Variants in STAG1 observed in about 807,000 individuals in gnomAD.
STAG1 encodes STAG1 cohesin complex component, also known as cohesin subunit SA-1.
A neutral mutation model predicts 170.9 loss-of-function variants in STAG1; 26 were observed. The ratio of observed to expected loss-of-function variants is 0.15; its 90% confidence interval spans 0.11 to 0.21. The LOEUF (loss-of-function observed/expected upper bound fraction) is 0.21, where lower values mean the gene tolerates loss of function less well. Ranked by LOEUF, STAG1 falls within the 10% of genes least tolerant of loss-of-function variation. The pLI, the probability that STAG1 is intolerant of heterozygous loss-of-function variation, is 1.00. For synonymous variants in STAG1, 514 were observed against 497.7 expected, an observed-to-expected ratio of 1.03 and a Z score of -0.44; for missense variants, 964 against 1,509.5, an observed-to-expected ratio of 0.64 and a Z score of 5.99.
At chr3:136,720,021 A>G (rs974786209) in intron 1 of STAG1, among the ~76,000 whole-genome samples, 1 of 151,942 alleles carries the variant, frequency 6.6e-6, no homozygotes, top group Non-Finnish European at 1.5e-5. Flanking sequence ...TAGTGAAAAT[A>G]TAAAATTAGC....
intron 4 of STAG1, among the ~76,000 whole-genome samples, chr3:136,576,910 G>A (rs897341953): frequency 2.0e-5 from 3 of 152,172 alleles, no homozygotes; most frequent in African/African-American, 7.2e-5. Context: ...TTTGGAGAAA[G>A]ATAGATTCGT....
At chr3:136,623,853 G>A (rs1399864050) in intron 2 of STAG1, among the ~76,000 whole-genome samples, 1 of 151,984 alleles carries the variant, frequency 6.6e-6, no homozygotes, top group African/African-American at 2.4e-5. Flanking sequence ...TACTCAGGAG[G>A]TTGAGGGAGG....
intron 1 of STAG1, among the ~76,000 whole-genome samples, chr3:136,720,361 G>A (rs1476830020): frequency 6.6e-6 from 1 of 152,150 alleles, no homozygotes; most frequent in Non-Finnish European, 1.5e-5. Context: ...ACTCAATGGT[G>A]AGGAGTATTC....
chr3:136,714,949 ATATATAT>A (rs1559967544), intron 1 of STAG1, among the ~76,000 whole-genome samples: 46 of 80,082 alleles, frequency 5.7e-4, no homozygotes, highest in Non-Finnish European at 5.8e-4. Context: ...ATATATATAT[ATATATAT>A]ATATATATTT....
At chr3:136,635,784 T>C (rs1009945465) in intron 1 of STAG1, among the ~76,000 whole-genome samples, 1 of 152,184 alleles carries the variant, frequency 6.6e-6, no homozygotes, top group Non-Finnish European at 1.5e-5. Context: ...GGTTTCAAGA[T>C]ACAAGGCTAA....
Position 136,577,491 on chromosome 3 carries a change from C to T in STAG1, c.298-8630G>A, listed in dbSNP as rs1576626629. Among the ~76,000 whole-genome samples the T allele has an allele frequency of 2.0e-5, 3 of 152,170 alleles. No homozygotes were observed. The South Asian group carries it at 6.2e-4, about 32-fold the overall frequency. ...CTAACAATTTTGAATAGCTCTCCCC[C>T]ATCCTCCAAGTAATTCTGAGCCTCC... On this transcript the variant is annotated intron_variant, in intron 4 of 33. Coordinates refer to ENST00000383202, the MANE Select transcript of STAG1 (RefSeq NM_005862.3).
intron 6 of STAG1, among the ~76,000 whole-genome samples, chr3:136,530,702 T>C (rs996104706): frequency 2.6e-5 from 4 of 152,092 alleles, no homozygotes; most frequent in African/African-American, 7.2e-5. Flanking sequence ...AATCAAAACA[T>C]GCCTTGAAAT....
At chr3:136,730,309 T>C (rs554861455) in intron 1 of STAG1, among the ~76,000 whole-genome samples, 4 of 152,354 alleles carry the variant, frequency 2.6e-5, no homozygotes, top group South Asian at 2.1e-4. Context: ...ATTTCAGTTA[T>C]AGGTTAGTAA....
At chr3:136,714,964 T>TATATATATA (rs1491313421) in intron 1 of STAG1, among the ~76,000 whole-genome samples, 2 of 63,580 alleles carry the variant, frequency 3.1e-5, no homozygotes, top group Admixed American at 1.7e-4. Context: ...TATATATATA[T>TATATATATA]TTTATATATA....
rs954273409 is a variant in STAG1 at position 136,570,864 on chromosome 3, T to TG, written c.298-2004dup. On this transcript the variant is annotated intron_variant, in intron 4 of 33. Coordinates refer to ENST00000383202, the MANE Select transcript of STAG1 (RefSeq NM_005862.3). ...TTCACTGTCTCATCACATTAGTGTC[T>TG]GGGGGGTTTTGTTTTTAAAGTAAAG... Among the ~76,000 whole-genome samples the TG allele has an allele frequency of 2.6e-5, 4 of 152,328 alleles. No homozygotes were observed. The South Asian group carries it at 6.2e-4, about 24-fold the overall frequency.
intron 3 of STAG1, among the ~76,000 whole-genome samples, chr3:136,621,200 G>A (rs116172169): frequency 0.062 from 9,435 of 152,028 alleles, 379 homozygotes; most frequent in Non-Finnish European, 0.09. Context: ...AGGTTCTAAC[G>A]AATTATACAA....
intron 16 of STAG1, among the ~76,000 whole-genome samples, chr3:136,424,271 G>A (rs1027404151): frequency 6.6e-6 from 1 of 150,548 alleles, no homozygotes; most frequent in African/African-American, 2.4e-5. Context: ...ATTTGACAAT[G>A]TATGAAACAT....
At chr3:136,505,145 T>C (rs1933692643) in intron 7 of STAG1, among the ~76,000 whole-genome samples, 1 of 152,190 alleles carries the variant, frequency 6.6e-6, no homozygotes, top group Non-Finnish European at 1.5e-5. Context: ...CTGCATAGAA[T>C]TGGTACTTAT....
chr3:136,736,352 C>T, intron 1 of STAG1: 2 of 690,088 alleles, frequency 2.9e-6, no homozygotes, highest in East Asian at 2.5e-5. Flanking sequence ...TTACTCTGAT[C>T]GATATTAAAT....
At chr3:136,490,522 T>C (rs923976124) in intron 9 of STAG1, among the ~76,000 whole-genome samples, 1 of 152,180 alleles carries the variant, frequency 6.6e-6, no homozygotes, top group Admixed American at 6.5e-5. Context: ...ATTTTACTAT[T>C]AACAGAATTT....
chr3:136,477,181 C>T (rs1384679733), intron 10 of STAG1, 108 bp downstream of exon 10: 1 of 1,241,612 alleles, frequency 8.1e-7, no homozygotes, highest in African/African-American at 1.5e-5. Flanking sequence ...CTTAAAATTT[C>T]CACATGATTA....
At chr3:136,582,081 G>C (rs12630998) in intron 4 of STAG1, among the ~76,000 whole-genome samples, 1 of 152,020 alleles carries the variant, frequency 6.6e-6, no homozygotes, top group Admixed American at 6.5e-5. Context: ...AATCATCTTA[G>C]TAAGTCACTA....
intron 4 of STAG1, among the ~76,000 whole-genome samples, chr3:136,569,717 T>C (rs1474709629): frequency 2.0e-5 from 3 of 152,014 alleles, no homozygotes; most frequent in Admixed American, 6.6e-5. Flanking sequence ...AAGATAAATA[T>C]ACAAAATAAC....
intron 7 of STAG1, among the ~76,000 whole-genome samples, chr3:136,519,716 T>G (rs867965487): frequency 6.6e-6 from 1 of 152,038 alleles, no homozygotes; most frequent in South Asian, 2.1e-4. Flanking sequence ...AGTCTAACAT[T>G]ATATAACTGT....
Sources: allele counts gnomAD v4.1 joint callset (sites outside exome capture counted in the v4.1 genomes callset), GRCh38; gene constraint gnomAD v4.1.1; transcripts MANE v1.5; gene names NCBI Gene and HGNC (gene_info 2026-07-23, HGNC 2026-07-21).